SHROOM3: variants seen among roughly 807,000 people sequenced by gnomAD.
SHROOM3 encodes the protein protein Shroom3.
Under a neutral mutation model 138.6 loss-of-function variants are expected in SHROOM3, and 47 were observed. That is an observed-to-expected ratio of 0.34 (90% confidence interval 0.27 to 0.43). SHROOM3 has a LOEUF of 0.43. SHROOM3 is among the 20% of genes least tolerant of loss of function. SHROOM3 has a pLI of 1.00. For missense variants in SHROOM3, 2,491 were observed against 2,596.5 expected, an observed-to-expected ratio of 0.96 and a Z score of 0.88; for synonymous variants, 1,062 against 1,063.3, an observed-to-expected ratio of 1.00 and a Z score of 0.02.
chr4:76,769,773 C>A (rs1722287757), intron 9 of SHROOM3, among the ~76,000 whole-genome samples: 1 of 152,154 alleles, frequency 6.6e-6, no homozygotes, highest in Non-Finnish European at 1.5e-5. Flanking sequence ...AAAACAGTAT[C>A]TACTATAAGA....
intron 1 of SHROOM3, among the ~76,000 whole-genome samples, chr4:76,436,443 G>A (rs1359215332): frequency 2.0e-5 from 3 of 152,042 alleles, no homozygotes; most frequent in Non-Finnish European, 4.4e-5. Context: ...CCTGTTTGAT[G>A]GATAATCTTC....
At chr4:76,477,601 A>G (rs1036905067) in intron 1 of SHROOM3, among the ~76,000 whole-genome samples, 7 of 152,214 alleles carry the variant, frequency 4.6e-5, no homozygotes, top group African/African-American at 1.7e-4. Context: ...TAGAAAATAT[A>G]TACATTTACC....
intron 1 of SHROOM3, among the ~76,000 whole-genome samples, chr4:76,458,641 T>C (rs892923400): frequency 6.6e-6 from 1 of 152,204 alleles, no homozygotes; most frequent in African/African-American, 2.4e-5. Context: ...CCTTCCCAAC[T>C]ACACATATAC....
At chr4:76,643,024 T>C (rs1431432279) in intron 2 of SHROOM3, among the ~76,000 whole-genome samples, 1 of 151,918 alleles carries the variant, frequency 6.6e-6, no homozygotes, top group Non-Finnish European at 1.5e-5. Flanking sequence ...CTGACCAACA[T>C]GAAGAAACCC....
intron 2 of SHROOM3, among the ~76,000 whole-genome samples, chr4:76,639,341 A>T (rs1254165302): frequency 9.2e-5 from 14 of 152,142 alleles, no homozygotes; most frequent in Non-Finnish European, 1.3e-4. Flanking sequence ...TTTCTTCCAC[A>T]TCCCCACATC....
At chr4:76,450,546 G>T (rs1309606008) in intron 1 of SHROOM3, among the ~76,000 whole-genome samples, 1 of 152,136 alleles carries the variant, frequency 6.6e-6, no homozygotes, top group Admixed American at 6.5e-5. Context: ...ATACTATTTG[G>T]CAATAAGAAG....
intron 2 of SHROOM3, among the ~76,000 whole-genome samples, chr4:76,589,468 A>AT (rs1312138065): frequency 7.6e-6 from 1 of 131,298 alleles, no homozygotes; most frequent in East Asian, 2.4e-4. Context: ...ACTCTGTCTC[A>AT]TAAAAAAAAA....
At chr4:76,501,118 T>G (rs892940806) in intron 1 of SHROOM3, among the ~76,000 whole-genome samples, 1 of 152,170 alleles carries the variant, frequency 6.6e-6, no homozygotes, top group Non-Finnish European at 1.5e-5. Flanking sequence ...GTGCATGGCC[T>G]TTTTGCCCAT....
chr4:76,479,064 C>A (rs745862741), intron 1 of SHROOM3, among the ~76,000 whole-genome samples: 2 of 151,996 alleles, frequency 1.3e-5, no homozygotes, highest in Non-Finnish European at 2.9e-5. Flanking sequence ...AAAACCAGAA[C>A]GCCTCTTCTT....
intron 2 of SHROOM3, among the ~76,000 whole-genome samples, chr4:76,642,347 T>C (rs1049436249): frequency 1.3e-5 from 2 of 152,112 alleles, no homozygotes; most frequent in African/African-American, 2.4e-5. Context: ...ATGACTGCGA[T>C]TGGGTCTCAA....
intron 2 of SHROOM3, among the ~76,000 whole-genome samples, chr4:76,684,017 G>T (rs1177855378): frequency 6.6e-6 from 1 of 152,140 alleles, no homozygotes; most frequent in East Asian, 1.9e-4. Flanking sequence ...TGTACTGGTG[G>T]ATGTAGACAG....
At chr4:76,744,668 C>T (rs965588323) in intron 5 of SHROOM3, among the ~76,000 whole-genome samples, 11 of 152,162 alleles carry the variant, frequency 7.2e-5, no homozygotes, top group Admixed American at 4.6e-4. Context: ...TTTTTCTCAT[C>T]CTTGCTTTAG....
intron 2 of SHROOM3, among the ~76,000 whole-genome samples, chr4:76,570,001 A>G (rs1034265780): frequency 1.3e-5 from 2 of 152,302 alleles, no homozygotes; most frequent in African/African-American, 4.8e-5. Context: ...TTATTCTTCA[A>G]AGTCTCTAGC....
intron 2 of SHROOM3, among the ~76,000 whole-genome samples, chr4:76,589,399 G>A (rs995553999): frequency 4.6e-5 from 7 of 151,954 alleles, no homozygotes; most frequent in Non-Finnish European, 7.4e-5. Context: ...CCCAGAAGGC[G>A]GAGGTTGCAG....
intron 2 of SHROOM3, among the ~76,000 whole-genome samples, chr4:76,681,606 T>TGG (rs1399335201): frequency 3.0e-5 from 4 of 131,646 alleles, no homozygotes; most frequent in African/African-American, 9.2e-5. Context: ...TGTGTGTGTG[T>TGG]GTGTGTGTGT....
rs1174772366 is a variant in SHROOM3, at chr4:76,739,607, C to G, written c.1434C>G (p.Ala478=). The change falls in exon 5 of 11, where the codon GCC becomes GCG. Residue 478 remains alanine (A), a synonymous_variant. Transcript: ENST00000296043. ...TACCTTCCCTGGAGCCACACTTTGCCCAGGTGCCTCAGCCTTCTGTGAGTA... is the reference window on the plus strand; with the variant it reads ...TACCTTCCCTGGAGCCACACTTTGCGCAGGTGCCTCAGCCTTCTGTGAGTA... ...YPVPSLEPHF[A]QVPQPSVSSN... is the part of the protein sequence containing the mutation. 1.2e-6 allele frequency: 2 copies of G among 1,614,052 alleles called. No individual in the cohort carries two copies. Among genetic ancestry groups the G allele is most frequent in the Non-Finnish European group, 1.7e-6 (2 of 1,180,040 alleles).
chr4:76,773,514 C>T (rs901464479), intron 10 of SHROOM3, among the ~76,000 whole-genome samples: 1 of 152,076 alleles, frequency 6.6e-6, no homozygotes, highest in Non-Finnish European at 1.5e-5. Context: ...AATGAGGGCT[C>T]GCCCCTTGTC....
intron 2 of SHROOM3, among the ~76,000 whole-genome samples, chr4:76,629,141 C>T (rs1353404240): frequency 6.6e-6 from 1 of 152,182 alleles, no homozygotes; most frequent in Non-Finnish European, 1.5e-5. Context: ...CCACCACGCC[C>T]AGCTGGTTGT....
intron 5 of SHROOM3, 142 bp downstream of exon 5, chr4:76,742,068 ATGAGT>A: frequency 8.8e-7 from 1 of 1,139,252 alleles, no homozygotes; most frequent in Non-Finnish European, 1.3e-6. Flanking sequence ...ATTTGTTTTC[ATGAGT>A]TGAGTTTCTC....
Sources: allele counts gnomAD v4.1 joint callset (sites outside exome capture counted in the v4.1 genomes callset), GRCh38; gene constraint gnomAD v4.1.1; transcripts MANE v1.5; gene names NCBI Gene and HGNC (gene_info 2026-07-23, HGNC 2026-07-21).